PRSS23: variants seen among roughly 807,000 people sequenced by gnomAD.
PRSS23 encodes the protein protease, serine 23.
PRSS23 carries 25 observed loss-of-function variants against 34.7 expected under a neutral mutation model. That is an observed-to-expected ratio of 0.72 (90% confidence interval 0.53 to 1.01). The LOEUF (loss-of-function observed/expected upper bound fraction) is 1.01, where lower values mean the gene tolerates loss of function less well. Ranked by LOEUF, PRSS23 falls within the 50% of genes least tolerant of loss-of-function variation. The pLI, the probability that PRSS23 is intolerant of heterozygous loss-of-function variation, is 0.00. For synonymous variants in PRSS23, 176 were observed against 186.6 expected (o/e 0.94, Z 0.46); for missense variants, 445 against 475.6 (o/e 0.94, Z 0.60).
chr11:86,940,883 T>C (rs1565393297), intron 2 of PRSS23: 1 of 152,224 alleles, frequency 6.6e-6, no homozygotes, highest in East Asian at 1.9e-4. Flanking sequence ...ATGACAACAG[T>C]AGTAAGAGAA....
At chr11:86,937,031 A>G (rs926665349) in intron 2 of PRSS23, 48 of 152,228 alleles carry the variant, frequency 3.2e-4, no homozygotes, top group Admixed American at 3.1e-3. Flanking sequence ...GGACCAGTAC[A>G]TGTGCCCTAA....
chr11:86,875,226 C>T (rs1202009573), intron 2 of PRSS23, among the ~76,000 whole-genome samples: 4 of 152,076 alleles, frequency 2.6e-5, no homozygotes, highest in Admixed American at 1.3e-4. Flanking sequence ...CCACAATTAG[C>T]CGGGTGTGGT....
chr11:86,861,496 A>G (rs1948614844), intron 2 of PRSS23, among the ~76,000 whole-genome samples: 1 of 151,752 alleles, frequency 6.6e-6, no homozygotes, highest in Non-Finnish European at 1.5e-5. Flanking sequence ...CCTATATCGC[A>G]GAAGGTGTAC....
chr11:86,836,168 C>T (rs992654035), intron 2 of PRSS23, among the ~76,000 whole-genome samples: 14 of 152,150 alleles, frequency 9.2e-5, no homozygotes, highest in Non-Finnish European at 1.6e-4. Context: ...ACAAGGGCCT[C>T]ATTGATAATC....
At chr11:86,819,957 T>C (rs1590877519) in intron 1 of PRSS23, among the ~76,000 whole-genome samples, 1 of 152,218 alleles carries the variant, frequency 6.6e-6, no homozygotes, top group East Asian at 1.9e-4. Flanking sequence ...ATTCAATAGA[T>C]TATAAGATTG....
At chr11:86,878,964 G>A (rs776720112) in intron 2 of PRSS23, among the ~76,000 whole-genome samples, 222 of 97,190 alleles carry the variant, frequency 2.3e-3, no homozygotes, top group Middle Eastern at 8.6e-3. Flanking sequence ...CCGCCATCCC[G>A]TCTAGGAAGT....
At chr11:86,815,961 A>G (rs1222313095), downstream of PRSS23, among the ~76,000 whole-genome samples, 1 of 152,170 alleles carries the variant, frequency 6.6e-6, no homozygotes, top group Non-Finnish European at 1.5e-5. Context: ...TTCTGAAGCA[A>G]AGACCTGATC....
chr11:86,835,533 G>T (rs1386603170), intron 2 of PRSS23, among the ~76,000 whole-genome samples: 1 of 152,170 alleles, frequency 6.6e-6, no homozygotes, highest in Non-Finnish European at 1.5e-5. Context: ...TTACTAAATG[G>T]GTATTGGCTT....
At chr11:86,944,011 G>C (rs866548048) in intron 2 of PRSS23, among the ~76,000 whole-genome samples, 15 of 152,066 alleles carry the variant, frequency 9.9e-5, no homozygotes, top group Non-Finnish European at 2.1e-4. Context: ...AAAGTGCTGG[G>C]ATTACAGGTG....
chr11:86,826,594 A>G (rs1446903964), intron 2 of PRSS23, among the ~76,000 whole-genome samples: 1 of 152,110 alleles, frequency 6.6e-6, no homozygotes, highest in Non-Finnish European at 1.5e-5. Context: ...AATGCTTCCA[A>G]TTTCTGCCCA....
At chr11:86,907,815 G>T in intron 2 of PRSS23, among the ~76,000 whole-genome samples, 1 of 152,166 alleles carries the variant, frequency 6.6e-6, no homozygotes, top group Non-Finnish European at 1.5e-5. Flanking sequence ...CAATGTTGTA[G>T]AGCAGTTCTC....
intron 2 of PRSS23, among the ~76,000 whole-genome samples, chr11:86,929,979 T>C (rs1390823908): frequency 6.6e-6 from 1 of 152,142 alleles, no homozygotes; most frequent in Non-Finnish European, 1.5e-5. Context: ...ACATTAGTAT[T>C]AGCAATACTA....
chr11:86,939,428 T>TA (rs1565392846), intron 2 of PRSS23, among the ~76,000 whole-genome samples: 3 of 105,136 alleles, frequency 2.9e-5, no homozygotes, highest in South Asian at 5.4e-4. Context: ...ATATATATAT[T>TA]TTTTAACATG....
intron 2 of PRSS23, chr11:86,921,913 G>C (rs1327082975): frequency 6.6e-6 from 1 of 152,224 alleles, no homozygotes; most frequent in Non-Finnish European, 1.5e-5. Flanking sequence ...GGAAGCAACA[G>C]GCAGCACATT....
At chr11:86,799,533 A>G (rs1948005650), upstream of PRSS23, among the ~76,000 whole-genome samples, 1 of 152,076 alleles carries the variant, frequency 6.6e-6, no homozygotes, top group African/African-American at 2.4e-5. Flanking sequence ...AATTAGTGTA[A>G]TCTCTGCACC....
At position 86,832,044 on chromosome 11, in the gene PRSS23, G is replaced by A. The variant is rs1325736576; in HGVS notation, c.206+8451G>A. 4.6e-5 allele frequency among the ~76,000 whole-genome samples: 7 copies of A among 151,922 alleles called. No homozygotes were observed. The East Asian group carries it at 1.2e-3, about 25-fold the overall frequency. The stretch of plus-strand genomic sequence containing the variant: ...ATTACTCATAATATCCGAGGTAAAT[G>A]TTACTCCTAATGTCACAGGGGATGT... On this transcript the variant is annotated intron_variant, in intron 2 of 2. Coordinates refer to the PRSS23 transcript ENST00000533902.
At chr11:86,929,660 T>C (rs965559576) in intron 2 of PRSS23, among the ~76,000 whole-genome samples, 2 of 152,238 alleles carry the variant, frequency 1.3e-5, no homozygotes, top group Admixed American at 1.3e-4. Flanking sequence ...TACAAACTCA[T>C]ATACAATTTG....
intron 2 of PRSS23, chr11:86,924,974 A>C (rs1021892618): frequency 6.6e-6 from 1 of 152,164 alleles, no homozygotes; most frequent in East Asian, 1.9e-4. Flanking sequence ...ACTTTAACTC[A>C]CCGAGGGGAG....
chr11:86,887,994 G>A (rs1226027539), intron 2 of PRSS23, among the ~76,000 whole-genome samples: 1 of 151,716 alleles, frequency 6.6e-6, no homozygotes, highest in African/African-American at 2.4e-5. Flanking sequence ...AGAGGTTACA[G>A]TGCACCAAGA....
Sources: allele counts gnomAD v4.1 joint callset (sites outside exome capture counted in the v4.1 genomes callset), GRCh38; gene constraint gnomAD v4.1.1; transcripts MANE v1.5; gene names NCBI Gene and HGNC (gene_info 2026-07-23, HGNC 2026-07-21).